SENP8: variants seen among roughly 807,000 people sequenced by gnomAD.
SENP8 encodes the protein sentrin-specific protease 8.
Under a neutral mutation model 14.4 loss-of-function variants are expected in SENP8, and 10 were observed. The ratio of observed to expected loss-of-function variants is 0.69; its 90% confidence interval spans 0.43 to 1.18. SENP8 has a LOEUF of 1.18. Among genes scored for constraint, SENP8 ranks in the 50% most tolerant of loss-of-function variants. The pLI is 0.00. For synonymous variants in SENP8, 94 were observed against 95.5 expected, an observed-to-expected ratio of 0.98 and a Z score of 0.09; for missense variants, 202 against 249.4, an observed-to-expected ratio of 0.81 and a Z score of 1.28.
upstream of SENP8, among the ~76,000 whole-genome samples, chr15:72,116,501 T>C (rs1352285090): frequency 1.3e-5 from 2 of 152,218 alleles, no homozygotes; most frequent in Non-Finnish European, 2.9e-5. Context: ...ATTTCTGTAC[T>C]TGCTTCTTGG....
intron 1 of SENP8, among the ~76,000 whole-genome samples, chr15:72,139,118 T>C (rs1188669192): frequency 6.6e-6 from 1 of 152,070 alleles, no homozygotes; most frequent in African/African-American, 2.4e-5. Context: ...AAATGTATTA[T>C]ATACATTTAC....
chr15:72,117,792 G>A (rs904335356), upstream of SENP8: 7 of 398,238 alleles, frequency 1.8e-5, no homozygotes, highest in Non-Finnish European at 3.1e-5. Flanking sequence ...AGGCCACCGA[G>A]GGTCGGACGG....
chr15:72,128,111 G>A (rs1596647012), intron 1 of SENP8, among the ~76,000 whole-genome samples: 1 of 151,776 alleles, frequency 6.6e-6, no homozygotes, highest in African/African-American at 2.4e-5. Flanking sequence ...AGAGGGAAAG[G>A]GGAGAGGGGA....
intron 1 of SENP8, among the ~76,000 whole-genome samples, chr15:72,125,079 C>A (rs2081203837): frequency 6.6e-6 from 1 of 152,122 alleles, no homozygotes. Flanking sequence ...TTTTCTGTTA[C>A]AAATACTGCC....
chr15:72,129,312 T>C (rs2081248759), intron 1 of SENP8, among the ~76,000 whole-genome samples: 1 of 152,034 alleles, frequency 6.6e-6, no homozygotes, highest in Non-Finnish European at 1.5e-5. Flanking sequence ...GGAGGATCAC[T>C]GGAGCCAAGG....
intron 1 of SENP8, among the ~76,000 whole-genome samples, chr15:72,133,741 GTGTTCAT>G (rs1178326360): frequency 2.0e-5 from 3 of 152,152 alleles, no homozygotes; most frequent in Non-Finnish European, 4.4e-5. Context: ...TATGCAGTAC[GTGTTCAT>G]TATAACAAAA....
intron 1 of SENP8, among the ~76,000 whole-genome samples, chr15:72,126,368 A>G (rs1319297811): frequency 1.3e-5 from 2 of 152,158 alleles, no homozygotes; most frequent in African/African-American, 4.8e-5. Flanking sequence ...TGATGCCTGT[A>G]ATCCCAGCAC....
intron 1 of SENP8, among the ~76,000 whole-genome samples, chr15:72,126,281 A>G (rs1054252105): frequency 6.6e-6 from 1 of 152,162 alleles, no homozygotes; most frequent in South Asian, 2.1e-4. Flanking sequence ...CAAGAACTCA[A>G]TAGCCACAAG....
chr15:72,117,672 G>T (rs1215891034), upstream of SENP8: 2 of 396,458 alleles, frequency 5.0e-6, no homozygotes, highest in East Asian at 7.1e-5. Context: ...CGCTTGGGCG[G>T]GTCTTACCTC....
chr15:72,118,318 A>G (rs1214003247), upstream of SENP8: 22 of 222,124 alleles, frequency 9.9e-5, 1 homozygote, highest in East Asian at 2.1e-3. Context: ...ACGGCAGAGC[A>G]GGGAACTCAG....
chr15:72,119,955 G>T (rs922004182), intron 1 of SENP8, among the ~76,000 whole-genome samples: 2 of 152,194 alleles, frequency 1.3e-5, no homozygotes, highest in African/African-American at 4.8e-5. Context: ...GTTCCCTTCC[G>T]TCCAGGATTG....
Position 72,141,555 on chromosome 15 carries a change from C to G in SENP8, c.*1293C>G, listed in dbSNP as rs2081380485. ...AGCTACCTCCCCAGCCTAACCCTGC[C>G]CCCAGCCCTCATGGCCCAAAATAAC... On this transcript the variant is annotated 3_prime_UTR_variant, in exon 2 of 2. Transcript: ENST00000340912. 1 of 152,094 alleles carries G rather than the reference C, an allele frequency of 6.6e-6. No homozygotes were observed. Among genetic ancestry groups the G allele is most frequent in the Admixed American group, 6.6e-5 (1 of 15,242 alleles). 9.4% of individuals were successfully genotyped at this position (152,094 alleles called of 1,614,324 possible). A position where few individuals can be genotyped will look rare whatever the true frequency, so the allele number is the denominator to read the frequency against.
rs1218814404 is a variant in SENP8 at position 72,142,322 on chromosome 15, ATTGAC to A, written c.*2064_*2068del. 6.6e-6 allele frequency: 1 copy of A among 152,176 alleles called. No homozygotes were observed. Among genetic ancestry groups the A allele is most frequent in the Non-Finnish European group, 1.5e-5 (1 of 68,030 alleles). 9.4% of individuals were successfully genotyped at this position (152,176 alleles called of 1,614,324 possible). A position where few individuals can be genotyped will look rare whatever the true frequency, so the allele number is the denominator to read the frequency against. On this transcript the variant is annotated 3_prime_UTR_variant, in exon 2 of 2. Coordinates refer to ENST00000340912, the MANE Select transcript of SENP8 (RefSeq NM_145204.4). ...TTATAAATTGCAGGAGAATTTAAGA[ATTGAC>A]TTGTATTTCACTGGATACTATAGTA...
At chr15:72,118,248 A>G (rs975176853), upstream of SENP8, 4 of 323,412 alleles carry the variant, frequency 1.2e-5, no homozygotes, top group Middle Eastern at 8.0e-4. Context: ...GCGCTTGCGC[A>G]GACACGCCCC....
At chr15:72,115,493 G>A (rs151156326), upstream of SENP8, among the ~76,000 whole-genome samples, 433 of 152,262 alleles carry the variant, frequency 2.8e-3, 1 homozygote, top group South Asian at 5.8e-3. Context: ...TATCCTGTAT[G>A]CAACTTCTCC....
intron 1 of SENP8, among the ~76,000 whole-genome samples, chr15:72,121,229 T>C (rs946630726): frequency 6.6e-6 from 1 of 152,136 alleles, no homozygotes; most frequent in African/African-American, 2.4e-5. Context: ...GAAAGGTAGA[T>C]TGGGGCTATT....
At chr15:72,118,185 TCGGCCCCGCC>T, upstream of SENP8, 1 of 360,822 alleles carries the variant, frequency 2.8e-6, no homozygotes, top group Non-Finnish European at 4.9e-6. Context: ...CCAGCACGGG[TCGGCCCCGCC>T]CTGTCCCGCC....
At chr15:72,135,749 C>T (rs1022339605) in intron 1 of SENP8, among the ~76,000 whole-genome samples, 2 of 152,172 alleles carry the variant, frequency 1.3e-5, no homozygotes, top group Non-Finnish European at 2.9e-5. Flanking sequence ...ACAGACAAAA[C>T]ACAAAAACTA....
rs555960917 is a variant in SENP8 at position 72,140,514 on chromosome 15, A to G, written c.*252A>G. On this transcript the variant is annotated 3_prime_UTR_variant, in exon 2 of 2. Transcript: ENST00000340912. Reference sequence around the variant, plus strand: ...AACCTTACAACCAACTTATTTGAACATTTATTACACACAGGGTTTACGTAA... The same window carrying G: ...AACCTTACAACCAACTTATTTGAACGTTTATTACACACAGGGTTTACGTAA... 20 of 480,940 alleles carry G rather than the reference A, an allele frequency of 4.2e-5. No homozygotes were observed. The highest frequency in any genetic ancestry group is 3.9e-4 in the African/African-American group (20 of 51,304). The allele number at this position is 480,940 out of a possible 1,614,324, so 29.8% of individuals were successfully genotyped here.
Sources: gnomAD v4.1 joint callset for allele counts (sites outside exome capture counted in the v4.1 genomes callset) on GRCh38, gnomAD v4.1.1 for gene constraint, MANE v1.5 for transcripts, NCBI Gene and HGNC (gene_info 2026-07-23, HGNC 2026-07-21) for gene names.